Variants in ZFPM2 observed in about 807,000 individuals in gnomAD.
The protein encoded by ZFPM2 is zinc finger protein, FOG family member 2.
In ZFPM2, 20 loss-of-function variants were observed where a neutral mutation model predicts 98.6. The observed-to-expected ratio is 0.20, with a 90% CI of 0.14 to 0.29. The LOEUF (loss-of-function observed/expected upper bound fraction) is 0.29. ZFPM2 is among the 10% of genes least tolerant of loss of function. ZFPM2 has a pLI of 1.00. For synonymous variants in ZFPM2, 518 were observed against 502.7 expected (o/e 1.03, Z -0.41); for missense variants, 1,310 against 1,388.6 (o/e 0.94, Z 0.90).
intron 4 of ZFPM2, among the ~76,000 whole-genome samples, chr8:105,579,253 A>G (rs1245124372): frequency 2.0e-5 from 3 of 152,164 alleles, no homozygotes; most frequent in South Asian, 4.1e-4. Flanking sequence ...AGCATTTAGC[A>G]TCCTATATTT....
In ZFPM2 at chr8:105,802,665, C is replaced by G. The variant is rs753126973; in HGVS notation, c.2583C>G (p.Ile861Met). The G allele has an allele frequency of 2.5e-6, 4 of 1,611,038 alleles. No homozygotes were observed. Among genetic ancestry groups the G allele is most frequent in the Non-Finnish European group, 2.5e-6 (3 of 1,178,594 alleles). The change falls in exon 8 of 8, where the codon ATC becomes ATG. Residue 861 changes from isoleucine (I) to methionine (M), a missense_variant. Ile to Met is a conservative substitution (Grantham distance 10). Coordinates refer to ENST00000407775, the MANE Select transcript of ZFPM2 (RefSeq NM_012082.4). ...ATCACGAGTGCACTGTGTGCAAGAT[C>G]AGTTTCAATAAGGTAGAAAACTATC... Reference protein sequence around the residue: ...LDYHECTVCKISFNKVENYLA... With the variant: ...LDYHECTVCKMSFNKVENYLA...
At chr8:105,780,633 G>A (rs1235117076) in intron 5 of ZFPM2, 1 of 152,260 alleles carries the variant, frequency 6.6e-6, no homozygotes, top group African/African-American at 2.4e-5. Flanking sequence ...TGTAATCCCA[G>A]CACTTTGGGA....
intron 5 of ZFPM2, among the ~76,000 whole-genome samples, chr8:105,648,279 C>A (rs1184232612): frequency 6.6e-6 from 1 of 152,122 alleles, no homozygotes; most frequent in African/African-American, 2.4e-5. Flanking sequence ...TGGATATTAG[C>A]CCTTTGTCAG....
intron 2 of ZFPM2, among the ~76,000 whole-genome samples, chr8:105,428,983 C>G (rs1190633317): frequency 1.3e-5 from 2 of 152,086 alleles, no homozygotes; most frequent in Non-Finnish European, 2.9e-5. Flanking sequence ...TAGCACATAG[C>G]AGAGACGGAA....
chr8:105,793,405 A>C (rs1368620733), intron 6 of ZFPM2, among the ~76,000 whole-genome samples: 3 of 152,146 alleles, frequency 2.0e-5, no homozygotes, highest in Admixed American at 6.5e-5. Context: ...AGAATGTTGA[A>C]TATTGGCTCC....
At chr8:105,575,995 C>T (rs1815457296) in intron 4 of ZFPM2, among the ~76,000 whole-genome samples, 2 of 152,204 alleles carry the variant, frequency 1.3e-5, no homozygotes, top group South Asian at 4.2e-4. Flanking sequence ...TTAAAAAATA[C>T]ACATTAAATG....
At chr8:105,766,064 T>G (rs2131081372) in intron 5 of ZFPM2, among the ~76,000 whole-genome samples, 1 of 152,030 alleles carries the variant, frequency 6.6e-6, no homozygotes, top group African/African-American at 2.4e-5. Flanking sequence ...GTATTTATCT[T>G]TATGGCCTTT....
chr8:105,536,690 A>C (rs1213894354), intron 3 of ZFPM2, among the ~76,000 whole-genome samples: 1 of 152,194 alleles, frequency 6.6e-6, no homozygotes, highest in African/African-American at 2.4e-5. Context: ...AGAAGATCAC[A>C]TACCATTAGC....
chr8:105,629,185 C>T (rs1371383748), intron 4 of ZFPM2, among the ~76,000 whole-genome samples: 1 of 152,180 alleles, frequency 6.6e-6, no homozygotes, highest in Non-Finnish European at 1.5e-5. Flanking sequence ...TGACTGGTTC[C>T]AGTGCTTGTT....
chr8:105,343,253 G>A (rs1812461732), intron 1 of ZFPM2, among the ~76,000 whole-genome samples: 1 of 152,094 alleles, frequency 6.6e-6, no homozygotes, highest in South Asian at 2.1e-4. Flanking sequence ...TTCAGTGGAA[G>A]TTGCATTCCA....
intron 1 of ZFPM2, among the ~76,000 whole-genome samples, chr8:105,386,160 G>A (rs1810984799): frequency 6.6e-6 from 1 of 152,140 alleles, no homozygotes; most frequent in Non-Finnish European, 1.5e-5. Context: ...TTGAACTGTA[G>A]TAAAACAAAC....
intron 3 of ZFPM2, among the ~76,000 whole-genome samples, chr8:105,525,046 C>A (rs1406541618): frequency 2.0e-5 from 3 of 152,182 alleles, no homozygotes; most frequent in Non-Finnish European, 4.4e-5. Context: ...TCACAATCTT[C>A]TGCAGCAATT....
chr8:105,453,626 T>TTTTG (rs1563666434), intron 3 of ZFPM2, among the ~76,000 whole-genome samples: 1 of 151,940 alleles, frequency 6.6e-6, no homozygotes, highest in East Asian at 1.9e-4. Flanking sequence ...TCTGGAGTTT[T>TTTTG]TTTTGTTTTG....
At chr8:105,379,540 G>A (rs1365097945) in intron 1 of ZFPM2, among the ~76,000 whole-genome samples, 1 of 152,060 alleles carries the variant, frequency 6.6e-6, no homozygotes, top group African/African-American at 2.4e-5. Flanking sequence ...GATCACCAGA[G>A]GTCTGGAGTT....
At chr8:105,715,502 G>T (rs1396548225) in intron 5 of ZFPM2, among the ~76,000 whole-genome samples, 1 of 150,016 alleles carries the variant, frequency 6.7e-6, no homozygotes, top group East Asian at 2.0e-4. Flanking sequence ...TTTTAATATT[G>T]TATACTTTAT....
chr8:105,480,378 A>G (rs987792422), intron 3 of ZFPM2, among the ~76,000 whole-genome samples: 2 of 152,194 alleles, frequency 1.3e-5, no homozygotes, highest in Non-Finnish European at 2.9e-5. Flanking sequence ...CGGAGGTTAT[A>G]TTGCATAACT....
At chr8:105,586,870 T>C (rs1455105754) in intron 4 of ZFPM2, among the ~76,000 whole-genome samples, 1 of 149,652 alleles carries the variant, frequency 6.7e-6, no homozygotes, top group East Asian at 1.9e-4. Context: ...ATATATTCTT[T>C]TGAGCAGACA....
At chr8:105,622,656 G>T (rs1167380480) in intron 4 of ZFPM2, among the ~76,000 whole-genome samples, 1 of 152,116 alleles carries the variant, frequency 6.6e-6, no homozygotes, top group Non-Finnish European at 1.5e-5. Context: ...ATGTTGAGTG[G>T]ATCTGTTTGG....
intron 5 of ZFPM2, among the ~76,000 whole-genome samples, chr8:105,763,550 C>G (rs1418482705): frequency 6.6e-6 from 1 of 151,848 alleles, no homozygotes; most frequent in African/African-American, 2.4e-5. Flanking sequence ...TTTGAAGTGA[C>G]TATTCTGTGT....
Sources: allele counts gnomAD v4.1 joint callset (sites outside exome capture counted in the v4.1 genomes callset), GRCh38; gene constraint gnomAD v4.1.1; transcripts MANE v1.5; gene names NCBI Gene and HGNC (gene_info 2026-07-23, HGNC 2026-07-21).